Variants in CNTN3 observed in about 807,000 individuals in gnomAD.
The protein encoded by CNTN3 is contactin-3.
A neutral mutation model predicts 119.1 loss-of-function variants in CNTN3; 60 were observed. The observed-to-expected ratio is 0.50, with a 90% CI of 0.41 to 0.62. The LOEUF is 0.62. Ranked by LOEUF, CNTN3 falls within the 20% of genes least tolerant of loss-of-function variation. The pLI, the probability that CNTN3 is intolerant of heterozygous loss-of-function variation, is 0.00. For missense variants in CNTN3, 1,101 were observed against 1,242.4 expected (o/e 0.89, Z 1.71); for synonymous variants, 450 against 438.7 (o/e 1.03, Z -0.32).
chr3:74,571,892 A>G (rs1704341008), intron 1 of CNTN3, among the ~76,000 whole-genome samples: 1 of 152,110 alleles, frequency 6.6e-6, no homozygotes, highest in South Asian at 2.1e-4. Flanking sequence ...CTGGCCTTGC[A>G]GTCTTTTGCA....
In CNTN3 at chr3:74,614,643, G is replaced by C. The variant is rs1048458857; in HGVS notation, c.-333C>G. 1.3e-5 allele frequency among the ~76,000 whole-genome samples: 2 copies of C among 149,382 alleles called. No individual in the cohort carries two copies. ...GCGCCAGGCTGCTGTGGCTGCTGCC[G>C]GCGCCTAGCGAGCACTGCCCGTGCC... is the stretch of plus-strand genomic sequence containing the variant. On this transcript the variant is annotated 5_prime_UTR_variant, in exon 1 of 23. Coordinates refer to ENST00000263665, the MANE Select transcript of CNTN3 (RefSeq NM_020872.3).
chr3:74,276,944 G>A (rs981636410), intron 20 of CNTN3, among the ~76,000 whole-genome samples: 2 of 151,904 alleles, frequency 1.3e-5, no homozygotes, highest in South Asian at 2.1e-4. Flanking sequence ...GAAATGATAC[G>A]GGAGATATTA....
At chr3:74,540,922 ATTTC>A (rs981584053) in intron 1 of CNTN3, among the ~76,000 whole-genome samples, 1 of 152,164 alleles carries the variant, frequency 6.6e-6, no homozygotes, top group African/African-American at 2.4e-5. Context: ...TATGTAGCCT[ATTTC>A]TTCTATCAAA....
intron 5 of CNTN3, among the ~76,000 whole-genome samples, chr3:74,412,591 A>T (rs1199630840): frequency 6.6e-6 from 1 of 152,092 alleles, no homozygotes; most frequent in East Asian, 1.9e-4. Context: ...AGGCTTATTC[A>T]TTTTTTTATT....
chr3:74,281,830 C>T (rs1293754815), intron 20 of CNTN3, among the ~76,000 whole-genome samples: 1 of 151,996 alleles, frequency 6.6e-6, no homozygotes, highest in East Asian at 1.9e-4. Context: ...GGAAGGAGAA[C>T]CAATAATTCA....
rs150852327 is a variant in CNTN3, at chr3:74,385,901, T to C, written c.455-14502A>G. ...TTTTGGGTATCACGTAGTTTCTCTT[T>C]CAAAAATATGAAAACCAATAAAAGC... is the stretch of plus-strand genomic sequence containing the variant. On this transcript the variant is annotated intron_variant, in intron 5 of 22. Transcript: ENST00000263665. Among the ~76,000 whole-genome samples, 22 of 152,352 alleles carry C rather than the reference T, an allele frequency of 1.4e-4. No homozygotes were observed. In the East Asian group the frequency reaches 4.0e-3, roughly 28 times the overall value.
intron 4 of CNTN3, among the ~76,000 whole-genome samples, chr3:74,440,191 G>T (rs1258503449): frequency 2.0e-5 from 3 of 152,058 alleles, no homozygotes; most frequent in Admixed American, 6.6e-5. Flanking sequence ...CCACTAACTA[G>T]AATGTAAGCT....
At chr3:74,352,744 G>A (rs971546126) in intron 11 of CNTN3, among the ~76,000 whole-genome samples, 1 of 152,128 alleles carries the variant, frequency 6.6e-6, no homozygotes, top group Non-Finnish European at 1.5e-5. Context: ...GTTTTTAAAA[G>A]TGATGGCATC....
At chr3:74,453,991 A>C in intron 4 of CNTN3, among the ~76,000 whole-genome samples, 1 of 149,812 alleles carries the variant, frequency 6.7e-6, no homozygotes, top group Non-Finnish European at 1.5e-5. Flanking sequence ...TGTTCTGTTG[A>C]TTTGGGGTGG....
chr3:74,551,754 C>CTTTTT lies in CNTN3; in HGVS notation c.-80-30567_-80-30563dup, dbSNP rs776621925. Among the ~76,000 whole-genome samples the CTTTTT allele has an allele frequency of 3.4e-3, 206 of 60,234 alleles. 7 individuals are homozygous for CTTTTT. The highest frequency in any genetic ancestry group is 4.9e-3 in the African/African-American group (57 of 11,662). 39.5% of individuals were successfully genotyped at this position (60,234 alleles called of 152,430 possible). A position where few individuals can be genotyped will look rare whatever the true frequency, so the allele number is the denominator to read the frequency against. On this transcript the variant is annotated intron_variant, in intron 1 of 22. Transcript: ENST00000263665. ...AGATCTGCTTCTTCTTCTTCTTCTT[C>CTTTTT]TTTTTTTTTTTTTTTTTTTTTTTTT...
At chr3:74,586,065 G>C (rs1704587770) in intron 1 of CNTN3, among the ~76,000 whole-genome samples, 1 of 152,106 alleles carries the variant, frequency 6.6e-6, no homozygotes, top group South Asian at 2.1e-4. Flanking sequence ...GATTTTGGAA[G>C]TTGTGACAAG....
chr3:74,442,996 T>G (rs573742434), intron 4 of CNTN3, among the ~76,000 whole-genome samples: 37 of 152,248 alleles, frequency 2.4e-4, no homozygotes, highest in African/African-American at 7.9e-4. Context: ...AATGAAGAAG[T>G]TACAAAACAA....
intron 13 of CNTN3, among the ~76,000 whole-genome samples, chr3:74,313,645 G>T (rs1403874247): frequency 1.3e-5 from 2 of 152,032 alleles, no homozygotes; most frequent in Non-Finnish European, 2.9e-5. Context: ...TTTCCAAATG[G>T]GTCACAGAAA....
rs556090544 is a variant in CNTN3 at position 74,595,831 on chromosome 3, T to G, written c.-81+18560A>C. Among the ~76,000 whole-genome samples, 21 of 152,278 alleles carry G rather than the reference T, an allele frequency of 1.4e-4. 1 individual carries two copies. Among genetic ancestry groups the G allele is most frequent in the Middle Eastern group, 6.8e-3 (2 of 294 alleles). ...TCCTATTCAACGTAGTGTTGGAAGTTCTGGCCAGGGCAATTAGGCAGGAGA... is the reference window on the plus strand; with the variant it reads ...TCCTATTCAACGTAGTGTTGGAAGTGCTGGCCAGGGCAATTAGGCAGGAGA... On this transcript the variant is annotated intron_variant, in intron 1 of 22. Transcript: ENST00000263665.
chr3:74,334,491 T>C (rs905562761), intron 13 of CNTN3, among the ~76,000 whole-genome samples: 2 of 152,194 alleles, frequency 1.3e-5, no homozygotes, highest in African/African-American at 4.8e-5. Flanking sequence ...TAATGAAAAG[T>C]AACATTTACT....
intron 1 of CNTN3, among the ~76,000 whole-genome samples, chr3:74,537,210 G>T (rs759177782): frequency 6.6e-6 from 1 of 151,962 alleles, no homozygotes; most frequent in Non-Finnish European, 1.5e-5. Flanking sequence ...CCATTTCCAC[G>T]TGCATCCTCA....
At chr3:74,324,238 G>A (rs1450454178) in intron 13 of CNTN3, among the ~76,000 whole-genome samples, 1 of 149,996 alleles carries the variant, frequency 6.7e-6, no homozygotes, top group African/African-American at 2.5e-5. Context: ...TTGAGACAGA[G>A]TTTTGCTCTG....
Position 74,432,111 on chromosome 3 carries a change from T to A in CNTN3, c.359-7171A>T, listed in dbSNP as rs370845617. On this transcript the variant is annotated intron_variant, in intron 4 of 22. Coordinates refer to ENST00000263665, the MANE Select transcript of CNTN3 (RefSeq NM_020872.3). ...AGTGATTGGTAGTTATCAAATTACA[T>A]CATTACATGAACAGTGTAAATGACA... Among the ~76,000 whole-genome samples, 8 of 152,176 alleles carry A rather than the reference T, an allele frequency of 5.3e-5. 1 individual carries two copies. Among genetic ancestry groups the A allele is most frequent in the East Asian group, 3.9e-4 (2 of 5,190 alleles).
At chr3:74,405,770 T>G (rs1354825608) in intron 5 of CNTN3, among the ~76,000 whole-genome samples, 2 of 152,104 alleles carry the variant, frequency 1.3e-5, no homozygotes, top group Non-Finnish European at 2.9e-5. Context: ...ATTTACATAT[T>G]GTTTTTATAA....
Sources: gnomAD v4.1 joint callset for allele counts (sites outside exome capture counted in the v4.1 genomes callset) on GRCh38, gnomAD v4.1.1 for gene constraint, MANE v1.5 for transcripts, NCBI Gene and HGNC (gene_info 2026-07-23, HGNC 2026-07-21) for gene names.